The following RPS6KA2 variants were observed in gnomAD, a reference collection of about 807,000 sequenced individuals.
RPS6KA2 encodes the protein ribosomal protein S6 kinase A2.
RPS6KA2 carries 42 observed loss-of-function variants against 91.8 expected under a neutral mutation model. That is an observed-to-expected ratio of 0.46 (90% confidence interval 0.36 to 0.59). RPS6KA2 has a LOEUF of 0.59. RPS6KA2 is among the 20% of genes least tolerant of loss of function. The pLI is 0.00. For missense variants in RPS6KA2, 798 were observed against 978.5 expected, an observed-to-expected ratio of 0.82 and a Z score of 2.46; for synonymous variants, 414 against 393.6, an observed-to-expected ratio of 1.05 and a Z score of -0.61.
chr6:166,499,345 T>G (rs993232187), intron 7 of RPS6KA2, among the ~76,000 whole-genome samples: 2 of 152,208 alleles, frequency 1.3e-5, no homozygotes, highest in South Asian at 4.1e-4. Context: ...AGAGCAGCAG[T>G]GCCCAGAGAG....
At chr6:166,446,908 C>T (rs1779697567) in intron 14 of RPS6KA2, among the ~76,000 whole-genome samples, 1 of 152,152 alleles carries the variant, frequency 6.6e-6, no homozygotes, top group South Asian at 2.1e-4. Context: ...TCCAAGGAGC[C>T]TATGTAGGCT....
At chr6:166,455,828 G>A (rs768834119) in intron 12 of RPS6KA2, among the ~76,000 whole-genome samples, 4 of 152,176 alleles carry the variant, frequency 2.6e-5, no homozygotes, top group East Asian at 1.9e-4. Context: ...ATTCTCCCCC[G>A]GAAAAATGAA....
At chr6:166,450,216 GACCACCACAGGA>G (rs1361972783) in intron 13 of RPS6KA2, among the ~76,000 whole-genome samples, 1 of 138,466 alleles carries the variant, frequency 7.2e-6, no homozygotes, top group Non-Finnish European at 1.6e-5. Flanking sequence ...CTACCCTAGG[GACCACCACAGGA>G]ACCACCACGG....
chr6:166,498,582 A>G lies in RPS6KA2; in HGVS notation c.673T>C (p.Tyr225His). Reference sequence around the variant, plus strand: ...CGGTTCACCACCTCGGGCGCCATGTACTCGATCGTCCCGCAGAAGGAGTAC... The same window carrying G: ...CGGTTCACCACCTCGGGCGCCATGTGCTCGATCGTCCCGCAGAAGGAGTAC... ...RAYSFCGTIE[Y>H]MAPEVVNRRG... Residue 225 changes from tyrosine (Y) to histidine (H), a missense_variant, in exon 8 of 21, where the codon TAC becomes CAC. Tyr to His is a moderately conservative substitution (Grantham distance 83). Transcript: ENST00000265678. The G allele has an allele frequency of 6.2e-7, 1 of 1,613,770 alleles. No individual in the cohort carries two copies. The highest frequency in any genetic ancestry group is 8.5e-7 in the Non-Finnish European group (1 of 1,179,936).
At chr6:166,670,373 T>C (rs1788437836) in intron 2 of RPS6KA2, among the ~76,000 whole-genome samples, 1 of 152,196 alleles carries the variant, frequency 6.6e-6, no homozygotes, top group African/African-American at 2.4e-5. Context: ...GGATGTAGCC[T>C]CATGAAGAAC....
chr6:166,627,325 GC>G (rs956339906), upstream of RPS6KA2: 1 of 671,848 alleles, frequency 1.5e-6, no homozygotes, highest in South Asian at 6.3e-5. Flanking sequence ...GCCGCTCCGC[GC>G]CCCGGCACGC....
At chr6:166,567,646 A>G (rs1286260603) in intron 1 of RPS6KA2, among the ~76,000 whole-genome samples, 1 of 152,210 alleles carries the variant, frequency 6.6e-6, no homozygotes, top group East Asian at 1.9e-4. Context: ...CTTATAGCCC[A>G]ATGTGCATTT....
chr6:166,504,616 G>T lies in RPS6KA2; in HGVS notation c.460-4C>A. On this transcript the variant is annotated splice_region_variant and splice_polypyrimidine_tract_variant and intron_variant, in intron 5 of 20. Transcript: ENST00000265678. ...CATCCTCCTCCGTGAACATGACCTAGTAAGAAAAAAACAAAAACAAAAACA... is the reference window on the plus strand; with the variant it reads ...CATCCTCCTCCGTGAACATGACCTATTAAGAAAAAAACAAAAACAAAAACA... 6.3e-7 allele frequency: 1 copy of T among 1,595,224 alleles called. No homozygotes were observed. The highest frequency in any genetic ancestry group is 8.5e-7 in the Non-Finnish European group (1 of 1,171,272).
chr6:166,550,785 A>G (rs9459690), intron 1 of RPS6KA2, among the ~76,000 whole-genome samples: 59,148 of 151,404 alleles, frequency 0.39, 12,317 homozygotes, highest in Non-Finnish European at 0.46. Context: ...GTCAGATCAC[A>G]AGGTCAGGAG....
In RPS6KA2 at chr6:166,554,565, C is replaced by T. The variant is rs961195140; in HGVS notation, c.100-15781G>A. 2.0e-5 allele frequency among the ~76,000 whole-genome samples: 3 copies of T among 152,146 alleles called. No individual in the cohort carries two copies. The highest frequency in any genetic ancestry group is 7.2e-5 in the African/African-American group (3 of 41,422). ...ACATTCAGGGACAAAACCTAAGTCA[C>T]GAGGTCTGATGCGATGTGAGAACTC... On this transcript the variant is annotated intron_variant, in intron 1 of 20. Coordinates refer to ENST00000265678, the MANE Select transcript of RPS6KA2 (RefSeq NM_021135.6). The surrounding 1 kb of genome is among the most constrained non-coding windows in gnomAD (Gnocchi z 4.3).
At chr6:166,593,815 T>G (rs1785437450) in intron 1 of RPS6KA2, among the ~76,000 whole-genome samples, 1 of 152,212 alleles carries the variant, frequency 6.6e-6, no homozygotes. Context: ...TCACTAATAC[T>G]TAAAATGTAT....
Position 166,437,099 on chromosome 6 carries a change from G to C in RPS6KA2, c.1333-4609C>G, listed in dbSNP as rs1264893612. Among the ~76,000 whole-genome samples the C allele has an allele frequency of 6.6e-6, 1 of 152,032 alleles. No individual in the cohort carries two copies. Among genetic ancestry groups the C allele is most frequent in the Non-Finnish European group, 1.5e-5 (1 of 68,022 alleles). On this transcript the variant is annotated intron_variant, in intron 14 of 20. Coordinates refer to ENST00000265678, the MANE Select transcript of RPS6KA2 (RefSeq NM_021135.6). This position sits in a 1 kb window ranked among gnomAD's most constrained non-coding sequence, Gnocchi z 4.3. ...GCTATTTGAGCAAGGTAAGGCTGGA[G>C]AGTGCTAACGCAGGAGTGGGCAGTG...
intron 2 of RPS6KA2, among the ~76,000 whole-genome samples, chr6:166,656,039 G>A (rs1435596692): frequency 6.6e-6 from 1 of 152,250 alleles, no homozygotes; most frequent in Non-Finnish European, 1.5e-5. Flanking sequence ...AGCATGGGCT[G>A]CCTGAGTGTG....
rs1301750874 is a variant in RPS6KA2 at position 166,726,952 on chromosome 6, C to T, written c.123+131248G>A. 2.0e-5 allele frequency among the ~76,000 whole-genome samples: 3 copies of T among 152,200 alleles called. No individual in the cohort carries two copies. Among genetic ancestry groups the T allele is most frequent in the Non-Finnish European group, 4.4e-5 (3 of 68,044 alleles). ...CCTGATTTCCGTGAAGAATTTCCCA[C>T]TTGCACTCATGAAGACATGGCCATT... On this transcript the variant is annotated intron_variant, in intron 2 of 21. Coordinates refer to the RPS6KA2 transcript ENST00000503859. This position sits in a 1 kb window ranked among gnomAD's most constrained non-coding sequence, Gnocchi z 4.4.
intron 11 of RPS6KA2, chr6:166,463,095 C>T (rs1485515911): frequency 1.3e-5 from 2 of 152,362 alleles, no homozygotes; most frequent in Non-Finnish European, 2.9e-5. Flanking sequence ...GGACGGCTTC[C>T]TCGAGGCTTG....
intron 2 of RPS6KA2, among the ~76,000 whole-genome samples, chr6:166,840,603 T>C (rs1462564861): frequency 6.6e-6 from 1 of 152,192 alleles, no homozygotes; most frequent in Non-Finnish European, 1.5e-5. Context: ...TGTAACAAAA[T>C]GCCAGTGAGT....
In RPS6KA2 at chr6:166,699,806, A is replaced by G. The variant is rs1279114160; in HGVS notation, c.123+158394T>C. ...TTTTTTTCCAAAGAACTGATTGCACAGTATACAGAAATCCTGCTATATTTT... is the reference window on the plus strand; with the variant it reads ...TTTTTTTCCAAAGAACTGATTGCACGGTATACAGAAATCCTGCTATATTTT... On this transcript the variant is annotated intron_variant, in intron 2 of 21. Transcript: ENST00000503859. Among the ~76,000 whole-genome samples, 3 of 152,368 alleles carry G rather than the reference A, an allele frequency of 2.0e-5. No homozygotes were observed. The South Asian group carries it at 6.2e-4, about 32-fold the overall frequency.
chr6:166,565,805 C>T (rs977823523), intron 1 of RPS6KA2, among the ~76,000 whole-genome samples: 2 of 152,170 alleles, frequency 1.3e-5, no homozygotes, highest in Non-Finnish European at 1.5e-5. Context: ...ACAGTGTGAC[C>T]GAGCTATCAG....
At chr6:166,466,126 C>A (rs1168698864) in intron 11 of RPS6KA2, among the ~76,000 whole-genome samples, 1 of 152,208 alleles carries the variant, frequency 6.6e-6, no homozygotes, top group Non-Finnish European at 1.5e-5. Flanking sequence ...ACAAAAGGAA[C>A]TTCTCAGCTC....
Sources: gnomAD v4.1 joint callset for allele counts (sites outside exome capture counted in the v4.1 genomes callset) on GRCh38, gnomAD v4.1.1 for gene constraint, Gnocchi (gnomAD v3.1) non-coding constraint, MANE v1.5 for transcripts, NCBI Gene and HGNC (gene_info 2026-07-23, HGNC 2026-07-21) for gene names.